NUP107: variants seen among roughly 807,000 people sequenced by gnomAD.
NUP107 encodes nucleoporin 107.
Under a neutral mutation model 141.0 loss-of-function variants are expected in NUP107, and 101 were observed. The observed-to-expected ratio is 0.72, with a 90% CI of 0.61 to 0.84. The LOEUF is 0.84. Among genes scored for constraint, NUP107 ranks in the 40% least tolerant of loss-of-function variants. The pLI is 0.00. For synonymous variants in NUP107, 319 were observed against 363.9 expected, an observed-to-expected ratio of 0.88 and a Z score of 1.41; for missense variants, 941 against 1,102.7, an observed-to-expected ratio of 0.85 and a Z score of 2.08.
chr12:68,733,352 T>G (rs1218680735), intron 23 of NUP107, 100 bp from the exon 24 acceptor site: 1 of 1,140,180 alleles, frequency 8.8e-7, no homozygotes, highest in Non-Finnish European at 1.2e-6. Context: ...CTGAAATAGT[T>G]ACAGGTCACT....
chr12:68,742,228 C>G (rs1288496874), intron 27 of NUP107, 127 bp from the exon 28 acceptor site: 1 of 660,172 alleles, frequency 1.5e-6, no homozygotes, highest in Non-Finnish European at 2.6e-6. Flanking sequence ...ATTTACTAGG[C>G]TCTGGCTACA....
intron 15 of NUP107, 123 bp downstream of exon 15, chr12:68,721,300 T>G: frequency 1.8e-6 from 1 of 565,864 alleles, no homozygotes; most frequent in Non-Finnish European, 3.1e-6. Context: ...CATACTTAAG[T>G]GTAGCAATGA....
rs2136057830 is a variant in NUP107, at chr12:68,742,877, T to C, written c.*415T>C. ...TTTTTGAATATTAAAATTAAGAAGA[T>C]GACTATAACAAGAATTTTTCTAACA... On this transcript the variant is annotated 3_prime_UTR_variant, in exon 28 of 28. Coordinates refer to ENST00000229179, the MANE Select transcript of NUP107 (RefSeq NM_020401.4). 1 of 152,344 alleles carries C rather than the reference T, an allele frequency of 6.6e-6. No homozygotes were observed. Among genetic ancestry groups the C allele is most frequent in the South Asian group, 2.1e-4 (1 of 4,826 alleles). 9.4% of individuals were successfully genotyped at this position (152,344 alleles called of 1,614,324 possible).
At position 68,688,983 on chromosome 12, in the gene NUP107, ATCCCC is replaced by A; in HGVS notation, c.32_36del (p.Ser11CysfsTer28). 6.2e-7 allele frequency: 1 copy of A among 1,613,624 alleles called. No individual in the cohort carries two copies. Among genetic ancestry groups the A allele is most frequent in the Non-Finnish European group, 8.5e-7 (1 of 1,179,654 alleles). ...TTAGGAGTGGCTTTGGAGAGATATC[ATCCCC>A]TGTAATCCGGGAGGCAGAGGTGACA... On this transcript the variant is annotated frameshift_variant, in exon 2 of 28. Transcript: ENST00000229179. LOFTEE classifies it high-confidence loss of function.
At chr12:68,724,176 T>A (rs550499653) in intron 17 of NUP107, among the ~76,000 whole-genome samples, 1 of 152,136 alleles carries the variant, frequency 6.6e-6, no homozygotes, top group East Asian at 1.9e-4. Flanking sequence ...TTGTTATAAC[T>A]ATTTAGAAAA....
At chr12:68,725,847 T>TTG in intron 18 of NUP107, 51 bp downstream of exon 18, 1 of 1,067,492 alleles carries the variant, frequency 9.4e-7, no homozygotes, top group Admixed American at 2.3e-5. Context: ...GTTTTTTTTT[T>TTG]TTTTTTTGAG....
At position 68,733,573 on chromosome 12, in the gene NUP107, T is replaced by C; in HGVS notation, c.2223T>C (p.Asp741=). 6.2e-7 allele frequency: 1 copy of C among 1,612,500 alleles called. No individual in the cohort carries two copies. Among genetic ancestry groups the C allele is most frequent in the Non-Finnish European group, 8.5e-7 (1 of 1,179,046 alleles). ...AAAGTCCACTTCCTGCTGAAGATGA[T>C]AATGCTATCCGAGAACATTTGTGCA... ...GMESPLPAED[D]NAIREHLCIR... The change falls in exon 24 of 28, where the codon GAT becomes GAC. Residue 741 remains aspartate, a synonymous_variant. Coordinates refer to ENST00000229179, the MANE Select transcript of NUP107 (RefSeq NM_020401.4).
chr12:68,714,123 T>C (rs1876997838), intron 11 of NUP107: 2 of 219,092 alleles, frequency 9.1e-6, no homozygotes, highest in Non-Finnish European at 1.8e-5. Flanking sequence ...CTCTTTTATG[T>C]TGAAAGCAAG....
At chr12:68,697,037 G>T in intron 6 of NUP107, 115 bp downstream of exon 6, 1 of 542,076 alleles carries the variant, frequency 1.8e-6, no homozygotes, top group Non-Finnish European at 3.2e-6. Flanking sequence ...ACAGTGGCAG[G>T]AGTGGAGGGA....
chr12:68,731,684 G>A lies in NUP107; in HGVS notation c.1963G>A (p.Asp655Asn), dbSNP rs371457572. 8.9e-5 allele frequency: 141 copies of A among 1,585,898 alleles called. No homozygotes were observed. The highest frequency in any genetic ancestry group is 1.2e-4 in the Non-Finnish European group (140 of 1,171,690). The change falls in exon 22 of 28, where the codon GAC becomes AAC. Residue 655 changes from aspartate (D) to asparagine (N), a missense_variant. Physicochemically the swap from Asp to Asn is conservative, Grantham distance 23 (BLOSUM62 1). Coordinates refer to ENST00000229179, the MANE Select transcript of NUP107 (RefSeq NM_020401.4). The part of the protein sequence containing the change: ...KKDNGEFSHH[D>N]LAPALDTGTT... ...AGATAATGGTGAATTTAGTCATCAT[G>A]ACCTGGCCCCAGCCCTAGATACTGG...
chr12:68,739,542 G>T (rs1385918467), intron 26 of NUP107, among the ~76,000 whole-genome samples: 1 of 152,192 alleles, frequency 6.6e-6, no homozygotes, highest in Non-Finnish European at 1.5e-5. Flanking sequence ...TTTCTCACAT[G>T]TAAGGCACTA....
chr12:68,708,239 G>A (rs958399756), intron 8 of NUP107, among the ~76,000 whole-genome samples: 2 of 152,068 alleles, frequency 1.3e-5, no homozygotes, highest in African/African-American at 4.8e-5. Context: ...AGAGGTTTCA[G>A]TTAGTCTAAC....
At chr12:68,737,586 A>G (rs1878133455) in intron 26 of NUP107, among the ~76,000 whole-genome samples, 5 of 142,690 alleles carry the variant, frequency 3.5e-5, no homozygotes, top group South Asian at 2.3e-4. Context: ...AAAAAAATGG[A>G]GTTGAGATGG....
intron 17 of NUP107, among the ~76,000 whole-genome samples, chr12:68,724,540 G>C (rs997779243): frequency 6.6e-6 from 1 of 152,106 alleles, no homozygotes; most frequent in African/African-American, 2.4e-5. Context: ...AGTTTTGGAG[G>C]CTGAAGCAGG....
At chr12:68,716,235 TTCTTTCTTTC>T (rs1195249113) in intron 12 of NUP107, among the ~76,000 whole-genome samples, 4 of 129,402 alleles carry the variant, frequency 3.1e-5, no homozygotes, top group African/African-American at 1.1e-4. Context: ...CTTTCTTTCT[TTCTTTCTTTC>T]TTTTTTTTTT....
rs1259782505 is a variant in NUP107, at chr12:68,689,585, T to C, written c.153T>C (p.Val51=). 7 of 1,613,132 alleles carry C rather than the reference T, an allele frequency of 4.3e-6. No homozygotes were observed. The Admixed American group carries it at 1.2e-4, about 27-fold the overall frequency. ...GTAATACTACACCAAGAAACCAGGT[T>C]ATCCCTCGAACTCCTAGCTCATTTC... ...NFGNTTPRNQ[V]IPRTPSSFRQ... is the part of the protein sequence containing the mutation. Residue 51 remains valine (V), a synonymous_variant, in exon 3 of 28, where the codon GTT becomes GTC. Transcript: ENST00000229179.
At chr12:68,738,280 T>C (rs1878162002) in intron 26 of NUP107, among the ~76,000 whole-genome samples, 1 of 133,008 alleles carries the variant, frequency 7.5e-6, no homozygotes, top group Non-Finnish European at 1.6e-5. Context: ...GTCTCAAAAA[T>C]AAAAATAAAA....
intron 7 of NUP107, among the ~76,000 whole-genome samples, chr12:68,702,198 A>G (rs188825369): frequency 6.6e-6 from 1 of 152,288 alleles, no homozygotes; most frequent in East Asian, 1.9e-4. Context: ...CATGTTGGCC[A>G]TGCTGGTCTC....
chr12:68,709,950 A>C (rs1262920122), intron 9 of NUP107, 55 bp from the exon 10 acceptor site: 1 of 1,052,796 alleles, frequency 9.5e-7, no homozygotes, highest in Non-Finnish European at 1.5e-6. Context: ...ACTACAAATA[A>C]AACACAAATA....
Sources: allele counts gnomAD v4.1 joint callset (sites outside exome capture counted in the v4.1 genomes callset), GRCh38; gene constraint gnomAD v4.1.1; transcripts MANE v1.5; gene names NCBI Gene and HGNC (gene_info 2026-07-23, HGNC 2026-07-21).